Variants in LSAMP observed in about 807,000 individuals in gnomAD.
LSAMP encodes limbic system associated membrane protein.
In LSAMP, 7 loss-of-function variants were observed where a neutral mutation model predicts 38.6. That is an observed-to-expected ratio of 0.18 (90% CI 0.10 to 0.34). The LOEUF (loss-of-function observed/expected upper bound fraction) is 0.34. Ranked by LOEUF, LSAMP falls within the 10% of genes least tolerant of loss-of-function variation. The pLI, the probability that LSAMP is intolerant of heterozygous loss-of-function variation, is 1.00. For synonymous variants in LSAMP, 154 were observed against 166.8 expected (o/e 0.92, Z 0.59); for missense variants, 313 against 420.0 (o/e 0.75, Z 2.23).
At position 116,220,185 on chromosome 3, in the gene LSAMP, A is replaced by AAC. The variant is rs3974285; in HGVS notation, c.156-133631_156-133630dup. ...GTGACAGAGTGAGACTCCATCTCAA[A>AAC]ACACACACACACACACACACACACA... On this transcript the variant is annotated intron_variant, in intron 1 of 6. Transcript: ENST00000490035. 7.4e-3 allele frequency among the ~76,000 whole-genome samples: 1,047 copies of AAC among 141,452 alleles called. 10 individuals carry two copies. The highest frequency in any genetic ancestry group is 0.022 in the African/African-American group (845 of 38,502). The allele number at this position is 141,452 out of a possible 152,430, so 92.8% of individuals were successfully genotyped here.
In LSAMP at chr3:116,393,142, A is replaced by C. The variant is rs1225383791; in HGVS notation, c.155+51735T>G. ...TGAATGTCGAGGCTAAAAGAGCTGT[A>C]ACACACACAAACAGAGCTAAAACAT... On this transcript the variant is annotated intron_variant, in intron 1 of 6. Coordinates refer to ENST00000490035, the MANE Select transcript of LSAMP (RefSeq NM_002338.5). Among the ~76,000 whole-genome samples, 3 of 152,168 alleles carry C rather than the reference A, an allele frequency of 2.0e-5. No individual in the cohort carries two copies. In the East Asian group the frequency reaches 5.8e-4, roughly 29 times the overall value.
rs139811352 is a variant in LSAMP at position 115,847,899 on chromosome 3, T to C, written c.649+4584A>G. On this transcript the variant is annotated intron_variant, in intron 4 of 6. Coordinates refer to ENST00000490035, the MANE Select transcript of LSAMP (RefSeq NM_002338.5). ...GCCACTGTTGGTGTGATGATTACAGTGAATTGATATGAAATCTCTAGGAGA... is the reference window on the plus strand; with the variant it reads ...GCCACTGTTGGTGTGATGATTACAGCGAATTGATATGAAATCTCTAGGAGA... Among the ~76,000 whole-genome samples, 79 of 152,306 alleles carry C rather than the reference T, an allele frequency of 5.2e-4. 3 individuals are homozygous for C. The highest frequency in any genetic ancestry group is 1.8e-3 in the African/African-American group (75 of 41,572).
chr3:116,331,643 C>T (rs1364467476), intron 1 of LSAMP, among the ~76,000 whole-genome samples: 1 of 152,080 alleles, frequency 6.6e-6, no homozygotes, highest in African/African-American at 2.4e-5. Context: ...ACCCGTAGAA[C>T]TGCCCTGAAA....
intron 1 of LSAMP, among the ~76,000 whole-genome samples, chr3:116,266,901 C>T (rs2107664934): frequency 6.6e-6 from 1 of 152,248 alleles, no homozygotes; most frequent in Non-Finnish European, 1.5e-5. Flanking sequence ...TAAACACTAA[C>T]AATATTAATA....
intron 2 of LSAMP, among the ~76,000 whole-genome samples, chr3:116,032,534 A>G (rs1252689150): frequency 6.6e-6 from 1 of 152,170 alleles, no homozygotes; most frequent in African/African-American, 2.4e-5. Flanking sequence ...CTGACCAGGC[A>G]TGGTGGCTTA....
chr3:116,427,404 GC>G (rs2049216165), intron 1 of LSAMP, among the ~76,000 whole-genome samples: 1 of 151,860 alleles, frequency 6.6e-6, no homozygotes, highest in South Asian at 2.1e-4. Context: ...ACAGGCGTGA[GC>G]CACCGCGCCC....
intron 3 of LSAMP, among the ~76,000 whole-genome samples, chr3:115,886,568 GGTAA>G (rs1468929556): frequency 6.6e-6 from 1 of 151,912 alleles, no homozygotes; most frequent in Non-Finnish European, 1.5e-5. Context: ...TTGAAATACT[GGTAA>G]GTATTTTATT....
intron 1 of LSAMP, among the ~76,000 whole-genome samples, chr3:116,277,454 C>T (rs2047071119): frequency 6.6e-6 from 1 of 152,002 alleles, no homozygotes; most frequent in African/African-American, 2.4e-5. Flanking sequence ...CTGCAGCCTC[C>T]GTCTCCCAGG....
intron 3 of LSAMP, among the ~76,000 whole-genome samples, chr3:115,989,698 C>A (rs1056702581): frequency 1.3e-5 from 2 of 152,000 alleles, no homozygotes; most frequent in African/African-American, 4.8e-5. Context: ...CAGGAGGGAA[C>A]CATTGTCTTT....
At chr3:115,834,646 A>G in intron 6 of LSAMP, 9 of 949,096 alleles carry the variant, frequency 9.5e-6, no homozygotes, top group Non-Finnish European at 1.2e-5. Context: ...AATATTATAT[A>G]TATGTATCTT....
At chr3:116,283,308 T>C (rs1224081917) in intron 1 of LSAMP, among the ~76,000 whole-genome samples, 1 of 152,130 alleles carries the variant, frequency 6.6e-6, no homozygotes, top group Non-Finnish European at 1.5e-5. Flanking sequence ...TGAAGAAATA[T>C]ATGATACAAT....
At chr3:116,101,016 CT>C (rs549315462) in intron 1 of LSAMP, among the ~76,000 whole-genome samples, 328 of 152,292 alleles carry the variant, frequency 2.2e-3, no homozygotes, top group Non-Finnish European at 3.6e-3. Flanking sequence ...TGTTTTTCTG[CT>C]TTTCATCACT....
chr3:116,052,750 A>G (rs949010570), intron 2 of LSAMP, among the ~76,000 whole-genome samples: 1 of 152,228 alleles, frequency 6.6e-6, no homozygotes, highest in Non-Finnish European at 1.5e-5. Context: ...CCATTCTGGT[A>G]GCAAACAAGT....
chr3:115,839,643 C>A (rs1297559091), intron 6 of LSAMP, among the ~76,000 whole-genome samples: 1 of 152,160 alleles, frequency 6.6e-6, no homozygotes, highest in African/African-American at 2.4e-5. Flanking sequence ...TACCTCCTAA[C>A]TTTCCCATAA....
intron 2 of LSAMP, among the ~76,000 whole-genome samples, chr3:116,022,539 T>C (rs1285765059): frequency 6.6e-6 from 1 of 152,202 alleles, no homozygotes; most frequent in Non-Finnish European, 1.5e-5. Context: ...TTTGGCTCTG[T>C]TGATGCTCCT....
At chr3:116,015,240 G>C (rs563582174) in intron 3 of LSAMP, among the ~76,000 whole-genome samples, 41 of 152,270 alleles carry the variant, frequency 2.7e-4, no homozygotes, top group Admixed American at 1.2e-3. Context: ...AAACTACGGA[G>C]GTTGTGTAAA....
intron 1 of LSAMP, among the ~76,000 whole-genome samples, chr3:116,398,159 C>T (rs940739841): frequency 1.4e-4 from 21 of 152,026 alleles, no homozygotes; most frequent in East Asian, 1.9e-4. Flanking sequence ...AAATTTAAGA[C>T]GTATAATAAA....
At chr3:115,932,422 C>G (rs1000081655) in intron 3 of LSAMP, among the ~76,000 whole-genome samples, 3 of 152,066 alleles carry the variant, frequency 2.0e-5, no homozygotes, top group Non-Finnish European at 1.5e-5. Context: ...AAAATAAAAA[C>G]GTTTTCTGGT....
intron 1 of LSAMP, among the ~76,000 whole-genome samples, chr3:116,357,546 C>T (rs2048242405): frequency 6.6e-6 from 1 of 151,970 alleles, no homozygotes; most frequent in South Asian, 2.1e-4. Flanking sequence ...CTAAATTATT[C>T]CCAGAATACT....
Sources: allele counts gnomAD v4.1 joint callset (sites outside exome capture counted in the v4.1 genomes callset), GRCh38; gene constraint gnomAD v4.1.1; transcripts MANE v1.5; gene names NCBI Gene and HGNC (gene_info 2026-07-23, HGNC 2026-07-21).